ZNF43: variants seen among roughly 807,000 people sequenced by gnomAD.
The protein encoded by ZNF43 is zinc finger protein 39-like 1 (KOX 27).
ZNF43 carries 44 observed loss-of-function variants against 68.4 expected under a neutral mutation model. The observed-to-expected ratio is 0.64, with a 90% CI of 0.51 to 0.83. The LOEUF is 0.83. ZNF43 is among the 40% of genes least tolerant of loss of function. ZNF43 has a pLI of 0.00. For synonymous variants in ZNF43, 308 were observed against 307.8 expected (o/e 1.00, Z -0.01); for missense variants, 896 against 933.2 (o/e 0.96, Z 0.52).
chr19:21,843,397 A>G, intron 1 of ZNF43: 6 of 985,020 alleles, frequency 6.1e-6, no homozygotes, highest in Non-Finnish European at 7.2e-6. Flanking sequence ...AGTCAATACC[A>G]TTTGGATATT....
At chr19:21,810,584 G>T (rs1042562022) in intron 3 of ZNF43, among the ~76,000 whole-genome samples, 4 of 152,152 alleles carry the variant, frequency 2.6e-5, no homozygotes, top group African/African-American at 9.7e-5. Context: ...CCAGTAAAAA[G>T]CAAGACAATA....
rs572691970 is a variant in ZNF43, at chr19:21,809,291, T to C, written c.746A>G (p.Lys249Arg). The C allele has an allele frequency of 6.2e-6, 10 of 1,613,722 alleles. No individual in the cohort carries two copies. Among genetic ancestry groups the C allele is most frequent in the Admixed American group, 3.3e-5 (2 of 59,972 alleles). ...FNWSSRLTTH[K>R]KNYTRYKLYK... ...GAGTTTGTATCTAGTATAATTTTTT[T>C]TATGTGTAGTAAGGCGTGAGGACCA... Residue 249 changes from lysine to arginine, a missense_variant, in exon 4 of 4, where the codon AAA becomes AGA. Physicochemically the swap from Lys to Arg is conservative, Grantham distance 26. Coordinates refer to ENST00000354959, the MANE Select transcript of ZNF43 (RefSeq NM_003423.4).
At position 21,835,938 on chromosome 19, in the gene ZNF43, G is replaced by C. The variant is rs945231406; in HGVS notation, c.3+98C>G. 5 of 1,596,780 alleles carry C rather than the reference G, an allele frequency of 3.1e-6. No individual in the cohort carries two copies. The African/African-American group carries it at 6.7e-5, about 21-fold the overall frequency. ...AGGGGATTGAGGCCGAGCTGGGCAAGAACTCCGGCACGCGCAGATTGTGGA... is the reference window on the plus strand; with the variant it reads ...AGGGGATTGAGGCCGAGCTGGGCAACAACTCCGGCACGCGCAGATTGTGGA... On this transcript the variant is annotated intron_variant, in intron 1 of 3. Coordinates refer to ENST00000354959, the MANE Select transcript of ZNF43 (RefSeq NM_003423.4).
At chr19:21,844,921 A>AAAATATAT (rs1310761266) in intron 1 of ZNF43, among the ~76,000 whole-genome samples, 19 of 26,048 alleles carry the variant, frequency 7.3e-4, no homozygotes, top group East Asian at 3.4e-3. Flanking sequence ...AAAAAAAAAA[A>AAAATATAT]ATATATATAT....
intron 1 of ZNF43, among the ~76,000 whole-genome samples, chr19:21,822,283 T>C (rs528039441): frequency 6.6e-6 from 1 of 152,136 alleles, no homozygotes; most frequent in African/African-American, 2.4e-5. Flanking sequence ...GTAACCACCC[T>C]TTAGTGCAAA....
intron 1 of ZNF43, among the ~76,000 whole-genome samples, chr19:21,833,392 G>A (rs186106003): frequency 2.0e-5 from 3 of 151,990 alleles, no homozygotes; most frequent in East Asian, 1.9e-4. Flanking sequence ...TCTGCCTCCC[G>A]AAGTAGCTGG....
At position 21,834,032 on chromosome 19, in the gene ZNF43, C is replaced by T. The variant is rs147824415; in HGVS notation, c.3+2004G>A. 3.1e-3 allele frequency among the ~76,000 whole-genome samples: 466 copies of T among 150,202 alleles called. 1 individual carries two copies. The highest frequency in any genetic ancestry group is 0.011 in the African/African-American group (448 of 40,796). Reference sequence around the variant, plus strand: ...ACAAGAGCTAAACTCCATCTTAAGGCGGGGCGGGGGAAAAAAAAGAGTCCT... The same window carrying T: ...ACAAGAGCTAAACTCCATCTTAAGGTGGGGCGGGGGAAAAAAAAGAGTCCT... On this transcript the variant is annotated intron_variant, in intron 1 of 3. Coordinates refer to ENST00000354959, the MANE Select transcript of ZNF43 (RefSeq NM_003423.4).
At chr19:21,813,991 G>C (rs2037401485) in intron 3 of ZNF43, among the ~76,000 whole-genome samples, 1 of 151,754 alleles carries the variant, frequency 6.6e-6, no homozygotes, top group Admixed American at 6.6e-5. Flanking sequence ...CTCAAACTTT[G>C]GCCTGAAGCA....
chr19:21,807,605 ATTTAT>A lies in ZNF43; in HGVS notation c.2427_*1del, dbSNP rs1458566931. ...ATTTCTAGAATTTCTCACCAGTATA[ATTTAT>A]TTTATGTTTGAAAAAGTTTGAGGTG... On this transcript the variant is annotated stop_lost and 3_prime_UTR_variant, in exon 4 of 4. Transcript: ENST00000354959. 8 of 1,530,218 alleles carry A rather than the reference ATTTAT, an allele frequency of 5.2e-6. No individual in the cohort carries two copies. The East Asian group carries it at 6.8e-5, about 13-fold the overall frequency. 94.8% of individuals were successfully genotyped at this position (1,530,218 alleles called of 1,614,324 possible).
At chr19:21,812,144 T>A (rs2037305422) in intron 3 of ZNF43, 1 of 380,292 alleles carries the variant, frequency 2.6e-6, no homozygotes, top group East Asian at 3.7e-5. Context: ...TCTTTTTTTT[T>A]GAGACGGAGT....
rs2036895982 is a variant in ZNF43 at position 21,805,482 on chromosome 19, A to T, written c.*2125T>A. The T allele has an allele frequency of 6.7e-6, 1 of 149,996 alleles. No individual in the cohort carries two copies. Among genetic ancestry groups the T allele is most frequent in the South Asian group, 2.1e-4 (1 of 4,728 alleles). The allele number at this position is 149,996 out of a possible 1,614,324, so 9.3% of individuals were successfully genotyped here. On this transcript the variant is annotated 3_prime_UTR_variant, in exon 4 of 4. Transcript: ENST00000354959. ...CCATCTCCAAAAAAAAACCCAAACA[A>T]GTAGTGGGCGCCTGTGGTCCCAGCT...
chr19:21,812,801 A>C (rs1224715324), intron 3 of ZNF43, among the ~76,000 whole-genome samples: 1 of 151,992 alleles, frequency 6.6e-6, no homozygotes, highest in Non-Finnish European at 1.5e-5. Context: ...AAACACAAAA[A>C]TTAGCCGGGC....
upstream of ZNF43, chr19:21,840,579 C>T (rs1019848388): frequency 3.9e-5 from 6 of 152,094 alleles, no homozygotes; most frequent in Admixed American, 2.0e-4. Context: ...ACGTGTGAAC[C>T]GAATCCACGT....
At chr19:21,835,249 CAAAAA>C (rs377486360) in intron 1 of ZNF43, among the ~76,000 whole-genome samples, 4 of 82,574 alleles carry the variant, frequency 4.8e-5, no homozygotes, top group Non-Finnish European at 2.5e-5. Flanking sequence ...AAGTCCATCT[CAAAAA>C]AAAAAAAAAA....
intron 1 of ZNF43, 81 bp downstream of exon 1, chr19:21,835,953 CAG>C: frequency 6.2e-7 from 1 of 1,606,622 alleles, no homozygotes; most frequent in Non-Finnish European, 8.5e-7. Context: ...CCGGCACGCG[CAG>C]ATTGTGGAGC....
At chr19:21,842,422 A>G (rs981693476) in intron 1 of ZNF43, among the ~76,000 whole-genome samples, 2 of 144,986 alleles carry the variant, frequency 1.4e-5, no homozygotes, top group Non-Finnish European at 3.0e-5. Context: ...AAAAAAAAAA[A>G]CAATAAAATA....
chr19:21,844,929 T>A (rs1411132394), intron 1 of ZNF43, among the ~76,000 whole-genome samples: 1,213 of 116,626 alleles, frequency 0.01, 21 homozygotes, highest in African/African-American at 0.025. Flanking sequence ...AAAATATATA[T>A]ATATATATAT....
Position 21,812,698 on chromosome 19 carries a change from C to G in ZNF43, c.230-2891G>C, listed in dbSNP as rs965119633. Among the ~76,000 whole-genome samples the G allele has an allele frequency of 5.3e-5, 8 of 152,212 alleles. No individual in the cohort carries two copies. The East Asian group carries it at 1.4e-3, about 26-fold the overall frequency. On this transcript the variant is annotated intron_variant, in intron 3 of 3. Transcript: ENST00000354959. ...AGGTACAGTGGCTCACATCTTTAAA[C>G]CCAGTGCTTTGGGAGGCTGAGACAG...
chr19:21,835,483 T>C (rs959881557), intron 1 of ZNF43, among the ~76,000 whole-genome samples: 1 of 147,326 alleles, frequency 6.8e-6, no homozygotes, highest in Non-Finnish European at 1.5e-5. Flanking sequence ...TCAGCCTCCC[T>C]AGTAGCTGCG....
Sources: allele counts gnomAD v4.1 joint callset (sites outside exome capture counted in the v4.1 genomes callset), GRCh38; gene constraint gnomAD v4.1.1; transcripts MANE v1.5; gene names NCBI Gene and HGNC (gene_info 2026-07-23, HGNC 2026-07-21).